CHSY3: variants seen among roughly 807,000 people sequenced by gnomAD.
The protein encoded by CHSY3 is N-acetylgalactosaminyl-proteoglycan 3-beta-glucuronosyltransferase 3.
A neutral mutation model predicts 67.2 loss-of-function variants in CHSY3; 35 were observed. The observed-to-expected ratio is 0.52, with a 90% CI of 0.40 to 0.69. The LOEUF is 0.69. CHSY3 is among the 30% of genes least tolerant of loss of function. The pLI is 0.00. For synonymous variants in CHSY3, 474 were observed against 434.7 expected (o/e 1.09, Z -1.12); for missense variants, 1,069 against 1,138.5 (o/e 0.94, Z 0.88).
intron 2 of CHSY3, among the ~76,000 whole-genome samples, chr5:129,934,760 C>T (rs1380294270): frequency 2.0e-5 from 3 of 151,962 alleles, no homozygotes; most frequent in Non-Finnish European, 4.4e-5. Flanking sequence ...TTTTTATTTC[C>T]AATAGCGGTC....
At chr5:130,002,694 A>G (rs190019440) in intron 2 of CHSY3, among the ~76,000 whole-genome samples, 353 of 152,338 alleles carry the variant, frequency 2.3e-3, no homozygotes, top group African/African-American at 7.6e-3. Flanking sequence ...GATGATGTCT[A>G]TATTAATTTG....
chr5:130,048,057 G>A (rs1034337897), intron 2 of CHSY3, among the ~76,000 whole-genome samples: 6 of 147,402 alleles, frequency 4.1e-5, no homozygotes, highest in African/African-American at 1.3e-4. Flanking sequence ...TTTAAAAAAC[G>A]GGAAGGAAAA....
At chr5:130,175,791 C>T (rs1261646985) in intron 2 of CHSY3, among the ~76,000 whole-genome samples, 4 of 152,156 alleles carry the variant, frequency 2.6e-5, no homozygotes, top group Non-Finnish European at 5.9e-5. Context: ...GTTGGGAAAA[C>T]TGGCTACCCA....
Position 129,929,221 on chromosome 5 carries a change from A to G in CHSY3, c.1086+20861A>G, listed in dbSNP as rs150258836. ...TTCTCTCTACTAGACAGTTGGAGCT[A>G]GAGTCACTTTGTTGTTCTAGGAGAG... On this transcript the variant is annotated intron_variant, in intron 2 of 2. Transcript: ENST00000305031. Among the ~76,000 whole-genome samples, 935 of 152,342 alleles carry G rather than the reference A, an allele frequency of 6.1e-3. 9 individuals are homozygous for G. The highest frequency in any genetic ancestry group is 0.01 in the Middle Eastern group (3 of 294).
intron 2 of CHSY3, among the ~76,000 whole-genome samples, chr5:130,167,697 C>CT (rs1351689016): frequency 6.6e-6 from 1 of 152,040 alleles, no homozygotes; most frequent in Non-Finnish European, 1.5e-5. Context: ...TTATGTACAA[C>CT]TAAAGGTTAC....
intron 2 of CHSY3, among the ~76,000 whole-genome samples, chr5:129,990,465 G>A (rs1264246909): frequency 6.6e-6 from 1 of 151,524 alleles, no homozygotes; most frequent in Non-Finnish European, 1.5e-5. Flanking sequence ...ATTGAATTTA[G>A]AAAGTATATT....
At chr5:130,057,900 CAG>C (rs141613378) in intron 2 of CHSY3, among the ~76,000 whole-genome samples, 849 of 147,182 alleles carry the variant, frequency 5.8e-3, no homozygotes, top group East Asian at 0.012. Flanking sequence ...TACATGCACA[CAG>C]AGAGAGAGAG....
chr5:130,116,679 T>A (rs1477462823), intron 2 of CHSY3, among the ~76,000 whole-genome samples: 1 of 152,118 alleles, frequency 6.6e-6, no homozygotes, highest in African/African-American at 2.4e-5. Flanking sequence ...TATGGATGGA[T>A]CTTGTGAGAT....
At chr5:130,023,560 G>A (rs191825517) in intron 2 of CHSY3, among the ~76,000 whole-genome samples, 2 of 152,154 alleles carry the variant, frequency 1.3e-5, no homozygotes, top group East Asian at 3.9e-4. Context: ...TTAAAGTACA[G>A]AGGAAAAGAG....
At chr5:129,911,851 T>A (rs1382634942) in intron 2 of CHSY3, among the ~76,000 whole-genome samples, 2 of 152,084 alleles carry the variant, frequency 1.3e-5, no homozygotes, top group African/African-American at 4.8e-5. Context: ...GGTCAGGAGA[T>A]CGAGACCATC....
chr5:129,959,560 A>G (rs972013927), intron 2 of CHSY3, among the ~76,000 whole-genome samples: 1 of 152,164 alleles, frequency 6.6e-6, no homozygotes, highest in Admixed American at 6.6e-5. Flanking sequence ...ATATCGTTAA[A>G]TAGGGAGGAA....
chr5:130,076,896 A>G (rs962490590), intron 2 of CHSY3, among the ~76,000 whole-genome samples: 1 of 145,450 alleles, frequency 6.9e-6, no homozygotes. Flanking sequence ...GAATTGAACA[A>G]TGAGAACACA....
At chr5:130,118,036 C>A (rs1767874452) in intron 2 of CHSY3, among the ~76,000 whole-genome samples, 1 of 152,092 alleles carries the variant, frequency 6.6e-6, no homozygotes, top group Non-Finnish European at 1.5e-5. Flanking sequence ...ACATGCCACT[C>A]CCCCTGCCCC....
intron 2 of CHSY3, among the ~76,000 whole-genome samples, chr5:130,027,133 G>A (rs1404862977): frequency 6.6e-6 from 1 of 152,140 alleles, no homozygotes; most frequent in Non-Finnish European, 1.5e-5. Flanking sequence ...GGTACTTCCT[G>A]AGACACAGGG....
At chr5:130,067,157 G>A (rs1052636678) in intron 2 of CHSY3, among the ~76,000 whole-genome samples, 4 of 152,038 alleles carry the variant, frequency 2.6e-5, no homozygotes, top group African/African-American at 9.7e-5. Context: ...TCACAATTAG[G>A]ACTTTCCAAT....
chr5:130,130,016 T>C (rs1768428624), intron 2 of CHSY3, among the ~76,000 whole-genome samples: 1 of 152,166 alleles, frequency 6.6e-6, no homozygotes, highest in South Asian at 2.1e-4. Context: ...TTCACAAATT[T>C]TTATGCCAAG....
In CHSY3 at chr5:130,143,784, G is replaced by GTATATATATA. The variant is rs71000950; in HGVS notation, c.1087-40433_1087-40424dup. 9.5e-5 allele frequency among the ~76,000 whole-genome samples: 7 copies of GTATATATATA among 73,832 alleles called. 1 individual carries two copies. In the East Asian group the frequency reaches 2.5e-3, roughly 26 times the overall value. The allele number at this position is 73,832 out of a possible 152,430, so 48.4% of individuals were successfully genotyped here. On this transcript the variant is annotated intron_variant, in intron 2 of 2. Coordinates refer to ENST00000305031, the MANE Select transcript of CHSY3 (RefSeq NM_175856.5). ...TGTGTGTGTGTATATATATATATGT[G>GTATATATATA]TATATATATATATATATATATGTGT...
At chr5:130,019,802 C>T (rs1036994132) in intron 2 of CHSY3, among the ~76,000 whole-genome samples, 2 of 152,124 alleles carry the variant, frequency 1.3e-5, no homozygotes, top group African/African-American at 2.4e-5. Context: ...ATGTCACTAA[C>T]GCTATGAGAG....
intron 2 of CHSY3, among the ~76,000 whole-genome samples, chr5:130,026,196 G>A (rs531667939): frequency 6.0e-4 from 92 of 152,208 alleles, no homozygotes; most frequent in Non-Finnish European, 1.0e-3. Flanking sequence ...ATTTCTGCAT[G>A]ACCATGGATT....
Sources: allele counts gnomAD v4.1 joint callset (sites outside exome capture counted in the v4.1 genomes callset), GRCh38; gene constraint gnomAD v4.1.1; transcripts MANE v1.5; gene names NCBI Gene and HGNC (gene_info 2026-07-23, HGNC 2026-07-21).